BICC1: variants seen among roughly 807,000 people sequenced by gnomAD.
BICC1 encodes protein bicaudal C homolog 1.
A neutral mutation model predicts 111.0 loss-of-function variants in BICC1; 43 were observed. That is an observed-to-expected ratio of 0.39 (90% CI 0.30 to 0.50). The LOEUF (loss-of-function observed/expected upper bound fraction) is 0.50. Among genes scored for constraint, BICC1 ranks in the 20% least tolerant of loss-of-function variants. BICC1 has a pLI of 0.88. For synonymous variants in BICC1, 467 were observed against 434.4 expected (o/e 1.07, Z -0.93); for missense variants, 1,091 against 1,203.2 (o/e 0.91, Z 1.38).
intron 3 of BICC1, among the ~76,000 whole-genome samples, chr10:58,737,367 C>G (rs1259467751): frequency 6.6e-6 from 1 of 152,036 alleles, no homozygotes; most frequent in Non-Finnish European, 1.5e-5. Flanking sequence ...TTTGTCCTTG[C>G]GATAGTTTGC....
chr10:58,560,689 T>A (rs991065615), intron 1 of BICC1, among the ~76,000 whole-genome samples: 2 of 152,046 alleles, frequency 1.3e-5, no homozygotes, highest in Admixed American at 6.6e-5. Flanking sequence ...AGGTGTTTAT[T>A]GCTGTAAACT....
At chr10:58,789,986 T>A in intron 8 of BICC1, 53 bp downstream of exon 8, 1 of 1,584,330 alleles carries the variant, frequency 6.3e-7, no homozygotes, top group East Asian at 2.2e-5. Context: ...TTGGATTCAG[T>A]GCATGTTTTT....
At chr10:58,584,889 C>T (rs1235029194) in intron 1 of BICC1, among the ~76,000 whole-genome samples, 1 of 151,878 alleles carries the variant, frequency 6.6e-6, no homozygotes, top group Admixed American at 6.6e-5. Flanking sequence ...ACTAACCAGT[C>T]AAGTTATAAA....
chr10:58,514,289 C>T (rs10763553), intron 1 of BICC1, among the ~76,000 whole-genome samples: 2 of 151,990 alleles, frequency 1.3e-5, no homozygotes, highest in South Asian at 4.1e-4. Context: ...TCTTAAAATA[C>T]GTGTACGGGA....
At chr10:58,648,658 CA>C (rs764997495) in intron 2 of BICC1, 4 of 985,076 alleles carry the variant, frequency 4.1e-6, no homozygotes, top group Non-Finnish European at 4.8e-6. Context: ...CTTTAGGCAT[CA>C]GAACGCTAAG....
At chr10:58,632,322 G>T (rs188037029) in intron 2 of BICC1, among the ~76,000 whole-genome samples, 1 of 152,134 alleles carries the variant, frequency 6.6e-6, no homozygotes, top group Non-Finnish European at 1.5e-5. Flanking sequence ...TGCTAAGGAC[G>T]CCATTCATGA....
At chr10:58,774,247 G>A (rs980265956) in intron 3 of BICC1, among the ~76,000 whole-genome samples, 1 of 152,202 alleles carries the variant, frequency 6.6e-6, no homozygotes, top group Non-Finnish European at 1.5e-5. Context: ...TTGAGAAACT[G>A]CATGGCAAAA....
At chr10:58,615,968 T>C (rs2132121656) in intron 1 of BICC1, among the ~76,000 whole-genome samples, 1 of 152,194 alleles carries the variant, frequency 6.6e-6, no homozygotes, top group Middle Eastern at 3.4e-3. Flanking sequence ...ACACACCCAG[T>C]CCCTGAGGGA....
chr10:58,655,280 G>A (rs931481841), intron 2 of BICC1, among the ~76,000 whole-genome samples: 16 of 137,970 alleles, frequency 1.2e-4, no homozygotes, highest in Admixed American at 3.7e-4. Flanking sequence ...GGGCAGTTTG[G>A]CCATTTTCAC....
intron 12 of BICC1, among the ~76,000 whole-genome samples, chr10:58,799,651 G>GT (rs1444913927): frequency 6.6e-6 from 1 of 151,964 alleles, no homozygotes; most frequent in Non-Finnish European, 1.5e-5. Flanking sequence ...AGATCAGATG[G>GT]TTGTAGGTGT....
chr10:58,763,809 TG>T, intron 3 of BICC1, among the ~76,000 whole-genome samples: 1 of 151,758 alleles, frequency 6.6e-6, no homozygotes, highest in Admixed American at 6.6e-5. Flanking sequence ...CTGGGAGGCT[TG>T]GAATAGAGGC....
intron 15 of BICC1, among the ~76,000 whole-genome samples, chr10:58,804,850 G>A (rs1274665063): frequency 3.3e-5 from 5 of 152,212 alleles, no homozygotes; most frequent in Non-Finnish European, 5.9e-5. Flanking sequence ...TTGACAGGGA[G>A]AAAGATTGAA....
chr10:58,816,745 CTGTG>C (rs56310772), intron 18 of BICC1, among the ~76,000 whole-genome samples: 18,291 of 121,796 alleles, frequency 0.15, 1,443 homozygotes, highest in African/African-American at 0.23. Context: ...ATCTCCAAGG[CTGTG>C]TGTGTGTGTG....
rs1844309468 is a variant in BICC1, at chr10:58,823,473, A to G, written c.2794+3005A>G. 4.1e-6 allele frequency: 4 copies of G among 984,398 alleles called. No homozygotes were observed. The South Asian group carries it at 1.4e-4, about 35-fold the overall frequency. 61.0% of individuals were successfully genotyped at this position (984,398 alleles called of 1,614,324 possible). A position where few individuals can be genotyped will look rare whatever the true frequency, so the allele number is the denominator to read the frequency against. ...GTGCATCACATTTAAAAACATATGT[A>G]TGTACTCTCTTAGAAACTGTATCGA... On this transcript the variant is annotated intron_variant, in intron 20 of 20. Coordinates refer to ENST00000373886, the MANE Select transcript of BICC1 (RefSeq NM_001080512.3).
At chr10:58,570,662 T>G (rs1658429) in intron 1 of BICC1, among the ~76,000 whole-genome samples, 1 of 151,932 alleles carries the variant, frequency 6.6e-6, no homozygotes. Context: ...CATAATATAT[T>G]TGAGTCAGCA....
intron 9 of BICC1, among the ~76,000 whole-genome samples, chr10:58,794,167 G>T (rs1426486458): frequency 7.4e-5 from 5 of 67,724 alleles, no homozygotes; most frequent in South Asian, 7.2e-4. Flanking sequence ...TACATGTTTT[G>T]TGTGTGTGTG....
chr10:58,634,770 G>A (rs1175093416), intron 2 of BICC1, among the ~76,000 whole-genome samples: 3 of 152,034 alleles, frequency 2.0e-5, no homozygotes, highest in Admixed American at 6.5e-5. Flanking sequence ...TTGACCAGAA[G>A]CCTTACTGAT....
chr10:58,723,388 G>A (rs12261167), intron 3 of BICC1, among the ~76,000 whole-genome samples: 3,693 of 152,198 alleles, frequency 0.024, 177 homozygotes, highest in African/African-American at 0.085. Context: ...GAAAATGCAT[G>A]GAAAAAAATT....
intron 1 of BICC1, among the ~76,000 whole-genome samples, chr10:58,594,154 A>C (rs925064225): frequency 2.6e-5 from 4 of 151,908 alleles, no homozygotes; most frequent in Non-Finnish European, 4.4e-5. Flanking sequence ...AATGAAATAA[A>C]AAGAGGAGAC....
Sources: gnomAD v4.1 joint callset for allele counts (sites outside exome capture counted in the v4.1 genomes callset) on GRCh38, gnomAD v4.1.1 for gene constraint, MANE v1.5 for transcripts, NCBI Gene and HGNC (gene_info 2026-07-23, HGNC 2026-07-21) for gene names.